The following MEIS2 variants were observed in gnomAD, a reference collection of about 807,000 sequenced individuals.
MEIS2 encodes homeobox protein Meis2.
In MEIS2, 9 loss-of-function variants were observed where a neutral mutation model predicts 58.6. That is an observed-to-expected ratio of 0.15 (90% CI 0.09 to 0.27). The LOEUF (loss-of-function observed/expected upper bound fraction) is 0.27, where lower values mean the gene tolerates loss of function less well. Among genes scored for constraint, MEIS2 ranks in the 10% least tolerant of loss-of-function variants. MEIS2 has a pLI of 1.00. For missense variants in MEIS2, 427 were observed against 635.0 expected (o/e 0.67, Z 3.52); for synonymous variants, 221 against 228.4 (o/e 0.97, Z 0.29).
chr15:36,973,262 C>T (rs1245764283), intron 8 of MEIS2, among the ~76,000 whole-genome samples: 2 of 152,174 alleles, frequency 1.3e-5, no homozygotes, highest in Admixed American at 6.5e-5. Flanking sequence ...GATTCAGACA[C>T]AGAGTTTTGC....
intron 8 of MEIS2, among the ~76,000 whole-genome samples, chr15:36,996,001 A>G (rs8034906): frequency 0.67 from 68,834 of 102,732 alleles, 19,199 homozygotes; most frequent in Middle Eastern, 0.77. Context: ...ATATATATAT[A>G]TGTATATATA....
At chr15:37,023,937 G>A (rs1315941870) in intron 8 of MEIS2, among the ~76,000 whole-genome samples, 4 of 115,444 alleles carry the variant, frequency 3.5e-5, no homozygotes, top group African/African-American at 1.4e-4. Flanking sequence ...TTTTTTTGAT[G>A]GAGTTTTGTT....
chr15:37,076,844 T>C (rs958909481), intron 7 of MEIS2, among the ~76,000 whole-genome samples: 27 of 152,108 alleles, frequency 1.8e-4, no homozygotes, highest in Non-Finnish European at 1.9e-4. Flanking sequence ...AAATGTGACA[T>C]GTAAGCAATT....
At chr15:37,094,062 A>C in intron 5 of MEIS2, 1 of 312,534 alleles carries the variant, frequency 3.2e-6, no homozygotes, top group Non-Finnish European at 5.9e-6. Flanking sequence ...ACATTACAAC[A>C]TTGGAGCTGG....
At chr15:36,919,607 A>G (rs2057416792) in intron 9 of MEIS2, among the ~76,000 whole-genome samples, 1 of 151,948 alleles carries the variant, frequency 6.6e-6, no homozygotes, top group Admixed American at 6.6e-5. Flanking sequence ...GGAAACAGTA[A>G]TTTAAAAAAT....
At chr15:36,998,748 A>C (rs1484317810) in intron 8 of MEIS2, among the ~76,000 whole-genome samples, 1 of 152,174 alleles carries the variant, frequency 6.6e-6, no homozygotes, top group Non-Finnish European at 1.5e-5. Context: ...AAACTGCTTG[A>C]AGCGTACTGC....
rs532935257 is a variant in MEIS2, at chr15:37,099,672, TTC to T, written c.-208_-207del. The T allele has an allele frequency of 3.3e-6, 2 of 599,714 alleles. No homozygotes were observed. Among genetic ancestry groups the T allele is most frequent in the Non-Finnish European group, 2.7e-6 (1 of 364,120 alleles). The allele number at this position is 599,714 out of a possible 1,614,324, so 37.1% of individuals were successfully genotyped here. ...TTTTTTTCTGTGATATTTCTTCTTT[TTC>T]TCTTTTTTCCTCTTCTTCCTCCTCC... On this transcript the variant is annotated 5_prime_UTR_variant, in exon 1 of 12. Transcript: ENST00000561208.
chr15:37,083,775 C>T lies in MEIS2; in HGVS notation c.750G>A (p.Glu250=), dbSNP rs370758497. 8.7e-6 allele frequency: 14 copies of T among 1,612,578 alleles called. No individual in the cohort carries two copies. The highest frequency in any genetic ancestry group is 1.1e-5 in the South Asian group (1 of 90,868). The change falls in exon 7 of 12, where the codon GAG becomes GAA. Residue 250 remains glutamate (E), a synonymous_variant. Coordinates refer to ENST00000561208, the MANE Select transcript of MEIS2 (RefSeq NM_170675.5). The stretch of plus-strand genomic sequence containing the variant: ...GGAAAATGTTTGACCTTTTACCTTG[C>T]TCACTGCTGTTGTCTCCGCTCTGGG... ...HASQSGDNSS[E]QGDGLDNSVA...
At chr15:36,943,870 CT>C (rs2058463447) in intron 9 of MEIS2, among the ~76,000 whole-genome samples, 1 of 152,054 alleles carries the variant, frequency 6.6e-6, no homozygotes, top group African/African-American at 2.4e-5. Context: ...TTATTTCCCC[CT>C]CTACTCCTTT....
chr15:36,997,193 G>A (rs1164938388), intron 8 of MEIS2, among the ~76,000 whole-genome samples: 3 of 152,194 alleles, frequency 2.0e-5, no homozygotes, highest in Non-Finnish European at 4.4e-5. Flanking sequence ...GAGTGTTTAA[G>A]GAATTCTTAA....
At chr15:37,052,315 A>G (rs922285537) in intron 7 of MEIS2, among the ~76,000 whole-genome samples, 2 of 152,224 alleles carry the variant, frequency 1.3e-5, no homozygotes, top group African/African-American at 2.4e-5. Context: ...AGCAGGCTGT[A>G]TCTCAACCAC....
chr15:36,970,183 C>CT, intron 8 of MEIS2, among the ~76,000 whole-genome samples: 1 of 152,208 alleles, frequency 6.6e-6, no homozygotes, highest in South Asian at 2.1e-4. Context: ...GCGGGAGGAT[C>CT]ATGAGGTCAG....
At chr15:36,911,930 G>T (rs2057046235) in intron 9 of MEIS2, among the ~76,000 whole-genome samples, 1 of 152,174 alleles carries the variant, frequency 6.6e-6, no homozygotes, top group African/African-American at 2.4e-5. Flanking sequence ...GCGCCATTAT[G>T]GGCTTTTCCT....
intron 8 of MEIS2, among the ~76,000 whole-genome samples, chr15:37,013,201 T>C (rs1218070057): frequency 6.6e-6 from 1 of 152,026 alleles, no homozygotes; most frequent in Non-Finnish European, 1.5e-5. Flanking sequence ...GATGTGAGAA[T>C]AAGGCCTGAA....
intron 1 of MEIS2, chr15:37,098,912 T>C: frequency 1.0e-6 from 1 of 985,554 alleles, no homozygotes; most frequent in East Asian, 1.1e-4. Context: ...AGAAACATTA[T>C]TTAGCAGCGG....
At chr15:37,038,213 C>T (rs894587565) in intron 7 of MEIS2, among the ~76,000 whole-genome samples, 1 of 152,210 alleles carries the variant, frequency 6.6e-6, no homozygotes, top group Admixed American at 6.5e-5. Context: ...AAACTCTGTG[C>T]TCAATGTAGC....
intron 7 of MEIS2, among the ~76,000 whole-genome samples, chr15:37,043,680 C>CTTTTTT (rs35502089): frequency 9.7e-5 from 11 of 112,956 alleles, no homozygotes; most frequent in East Asian, 2.5e-4. Flanking sequence ...CCGTCCCCTC[C>CTTTTTT]TTTTTTTTTT....
At chr15:36,952,635 G>C (rs1335991499) in intron 8 of MEIS2, among the ~76,000 whole-genome samples, 2 of 151,670 alleles carry the variant, frequency 1.3e-5, no homozygotes, top group Non-Finnish European at 2.9e-5. Flanking sequence ...GTGTGTGTGT[G>C]TGTGTGTGTG....
chr15:37,030,600 G>A lies in MEIS2; in HGVS notation c.900+6214C>T, dbSNP rs970936866. On this transcript the variant is annotated intron_variant, in intron 8 of 11. Coordinates refer to ENST00000561208, the MANE Select transcript of MEIS2 (RefSeq NM_170675.5). ...AATCCACCCCCCTTGGCCTCCCAAA[G>A]TGCTAGGATTACAGGCGTGAGTCAT... Among the ~76,000 whole-genome samples, 7 of 151,696 alleles carry A rather than the reference G, an allele frequency of 4.6e-5. 1 individual carries two copies. In the South Asian group the frequency reaches 1.0e-3, roughly 23 times the overall value.
Sources: gnomAD v4.1 joint callset for allele counts (sites outside exome capture counted in the v4.1 genomes callset) on GRCh38, gnomAD v4.1.1 for gene constraint, MANE v1.5 for transcripts, NCBI Gene and HGNC (gene_info 2026-07-23, HGNC 2026-07-21) for gene names.